Variants in DLG2 observed in about 807,000 individuals in gnomAD.
The protein encoded by DLG2 is discs large MAGUK scaffold protein 2, also known as disks large homolog 2.
In DLG2, 45 loss-of-function variants were observed where a neutral mutation model predicts 132.5. That is an observed-to-expected ratio of 0.34 (90% CI 0.27 to 0.44). The LOEUF (loss-of-function observed/expected upper bound fraction) is 0.44. DLG2 is among the 20% of genes least tolerant of loss of function. The pLI, the probability that DLG2 is intolerant of heterozygous loss-of-function variation, is 1.00. For missense variants in DLG2, 1,045 were observed against 1,196.9 expected (o/e 0.87, Z 1.87); for synonymous variants, 424 against 419.6 (o/e 1.01, Z -0.13).
intron 6 of DLG2, among the ~76,000 whole-genome samples, chr11:84,940,991 C>T (rs182438679): frequency 0.011 from 1,678 of 152,272 alleles, 108 homozygotes; most frequent in Admixed American, 0.1. Flanking sequence ...ACTGTCCTTT[C>T]CCCAATGTAT....
chr11:84,588,218 T>G (rs1380702637), intron 6 of DLG2, among the ~76,000 whole-genome samples: 6 of 152,180 alleles, frequency 3.9e-5, no homozygotes, highest in African/African-American at 1.4e-4. Flanking sequence ...ATACAGAGAA[T>G]AAGAAGATGC....
intron 2 of DLG2, among the ~76,000 whole-genome samples, chr11:85,607,060 C>T (rs866951326): frequency 2.0e-5 from 3 of 152,192 alleles, no homozygotes; most frequent in Non-Finnish European, 4.4e-5. Flanking sequence ...CATCACCTTT[C>T]GCCAAGCAGT....
At chr11:83,616,383 T>C (rs2060812859) in intron 19 of DLG2, among the ~76,000 whole-genome samples, 2 of 152,364 alleles carry the variant, frequency 1.3e-5, no homozygotes, top group East Asian at 1.9e-4. Flanking sequence ...ACACTTGGTA[T>C]GAACAGTCTT....
At chr11:83,496,113 TC>T (rs1328026876) in intron 21 of DLG2, among the ~76,000 whole-genome samples, 2 of 151,356 alleles carry the variant, frequency 1.3e-5, no homozygotes, top group Non-Finnish European at 2.9e-5. Context: ...ATTTTTAAAG[TC>T]CTACAATTGA....
intron 7 of DLG2, among the ~76,000 whole-genome samples, chr11:84,329,101 A>C (rs1430011283): frequency 1.3e-5 from 2 of 152,206 alleles, no homozygotes; most frequent in Non-Finnish European, 2.9e-5. Context: ...TGTCCCATTA[A>C]GGTGAGTTAT....
chr11:83,722,583 G>A (rs1341195867), intron 18 of DLG2, among the ~76,000 whole-genome samples: 1 of 152,176 alleles, frequency 6.6e-6, no homozygotes, highest in East Asian at 1.9e-4. Flanking sequence ...CTCCAGGCTG[G>A]TTTTTAAACT....
rs1254129693 is a variant in DLG2 at position 83,602,503 on chromosome 11, A to T, written c.1940+30708T>A. Among the ~76,000 whole-genome samples the T allele has an allele frequency of 2.0e-5, 3 of 152,362 alleles. No individual in the cohort carries two copies. The East Asian group carries it at 5.8e-4, about 29-fold the overall frequency. ...GTCCTAAGACTTTGACTAGGAGTCT[A>T]TTCATCTCTAACACTGCCTCCCTGC... On this transcript the variant is annotated intron_variant, in intron 19 of 27. Coordinates refer to ENST00000376104, the MANE Select transcript of DLG2 (RefSeq NM_001142699.3).
At chr11:85,583,753 T>C (rs1166803230) in intron 3 of DLG2, among the ~76,000 whole-genome samples, 1 of 152,198 alleles carries the variant, frequency 6.6e-6, no homozygotes, top group Admixed American at 6.5e-5. Context: ...TCCACTGCTC[T>C]TTCTTTTGGT....
At chr11:83,699,963 A>C (rs1050242982) in intron 18 of DLG2, among the ~76,000 whole-genome samples, 1 of 151,358 alleles carries the variant, frequency 6.6e-6, no homozygotes, top group Non-Finnish European at 1.5e-5. Context: ...ACACACACAC[A>C]CAAATACAGT....
chr11:85,502,661 G>C (rs1034277726), intron 3 of DLG2, among the ~76,000 whole-genome samples: 11 of 152,030 alleles, frequency 7.2e-5, no homozygotes, highest in Non-Finnish European at 1.3e-4. Flanking sequence ...CGGGTTGGGG[G>C]CAAGGGGAGG....
intron 6 of DLG2, among the ~76,000 whole-genome samples, chr11:84,889,446 C>T (rs1019218363): frequency 1.3e-5 from 2 of 151,934 alleles, no homozygotes; most frequent in African/African-American, 4.8e-5. Flanking sequence ...GAAGCTTTAG[C>T]GGTGGTATTT....
intron 6 of DLG2, among the ~76,000 whole-genome samples, chr11:84,670,656 T>C (rs1353521133): frequency 1.3e-5 from 2 of 152,104 alleles, no homozygotes; most frequent in African/African-American, 2.4e-5. Context: ...TTGTCACTAA[T>C]CACAATACAT....
At chr11:85,026,368 G>A (rs926569856) in intron 6 of DLG2, among the ~76,000 whole-genome samples, 73 of 152,152 alleles carry the variant, frequency 4.8e-4, no homozygotes, top group African/African-American at 1.3e-3. Context: ...AGGAAGATAC[G>A]TAAATTAAAA....
At chr11:83,883,744 T>G (rs12421643) in intron 15 of DLG2, among the ~76,000 whole-genome samples, 12,938 of 151,378 alleles carry the variant, frequency 0.085, 764 homozygotes, top group Non-Finnish European at 0.13. Context: ...TAGGCTTTTG[T>G]AGTATAAAAG....
intron 15 of DLG2, among the ~76,000 whole-genome samples, chr11:83,880,509 T>C (rs2065919630): frequency 6.6e-6 from 1 of 152,138 alleles, no homozygotes; most frequent in Non-Finnish European, 1.5e-5. Context: ...GAAATTATCC[T>C]ACATATAAAG....
chr11:85,579,743 A>G (rs763094124), intron 3 of DLG2, among the ~76,000 whole-genome samples: 19 of 152,056 alleles, frequency 1.2e-4, no homozygotes, highest in Non-Finnish European at 1.9e-4. Context: ...CTGAAGAGCA[A>G]TTGTGCAGTC....
At chr11:83,581,490 C>CAA (rs374493355) in intron 19 of DLG2, among the ~76,000 whole-genome samples, 1,855 of 149,662 alleles carry the variant, frequency 0.012, 37 homozygotes, top group African/African-American at 0.044. Flanking sequence ...TATTTCAGCT[C>CAA]AAAAAAAAAT....
intron 6 of DLG2, among the ~76,000 whole-genome samples, chr11:84,572,927 A>C (rs956622248): frequency 1.3e-5 from 2 of 152,162 alleles, no homozygotes; most frequent in Non-Finnish European, 2.9e-5. Context: ...ACTAATGTTC[A>C]TGCTGCTTTC....
At chr11:84,120,641 A>G (rs1164504283) in intron 9 of DLG2, among the ~76,000 whole-genome samples, 1 of 152,192 alleles carries the variant, frequency 6.6e-6, no homozygotes, top group African/African-American at 2.4e-5. Flanking sequence ...TAAAGATAAA[A>G]TAGGTTTCCT....
Sources: gnomAD v4.1 joint callset for allele counts (sites outside exome capture counted in the v4.1 genomes callset) on GRCh38, gnomAD v4.1.1 for gene constraint, MANE v1.5 for transcripts, NCBI Gene and HGNC (gene_info 2026-07-23, HGNC 2026-07-21) for gene names.